The following CD99 variants were observed in gnomAD, a reference collection of about 807,000 sequenced individuals.
CD99 encodes CD99 antigen.
Under a neutral mutation model 28.4 loss-of-function variants are expected in CD99, and 19 were observed. That is an observed-to-expected ratio of 0.67 (90% confidence interval 0.47 to 0.98). CD99 has a LOEUF of 0.98. Ranked by LOEUF, CD99 falls within the 50% of genes least tolerant of loss-of-function variation. The probability of loss-of-function intolerance (pLI) is 0.00; values close to 1 mark genes in which losing one functional copy is unlikely to be tolerated. For synonymous variants in CD99, 103 were observed against 92.1 expected, an observed-to-expected ratio of 1.12 and a Z score of -0.67; for missense variants, 283 against 248.8, an observed-to-expected ratio of 1.14 and a Z score of -0.92.
intron 8 of CD99, among the ~76,000 whole-genome samples, chrX:2,729,693 A>C (rs1346457000): frequency 6.6e-6 from 1 of 152,118 alleles, no homozygotes; most frequent in Non-Finnish European, 1.5e-5. Flanking sequence ...TTGAAATAGA[A>C]TTGGGAAAAG....
In CD99 at chrX:2,691,386, T is replaced by C. The variant is rs1252163150; in HGVS notation, c.26T>C (p.Leu9Pro). 11 of 1,581,776 alleles carry C rather than the reference T, an allele frequency of 7.0e-6. No homozygotes were observed. In the South Asian group the frequency reaches 1.2e-4, roughly 18 times the overall value. Reference sequence around the variant, plus strand: ...ATGGCCCGCGGGGCTGCGCTGGCGCTGCTGCTCTTCGGCCTGCTGGGTGTT... The same window carrying C: ...ATGGCCCGCGGGGCTGCGCTGGCGCCGCTGCTCTTCGGCCTGCTGGGTGTT... Reference protein sequence around the residue: MARGAALALLLFGLLGVLV... With the variant: MARGAALAPLLFGLLGVLV... Residue 9 changes from leucine to proline, a missense_variant, in exon 1 of 10, where the codon CTG becomes CCG. Physicochemically the swap from Leu to Pro is moderately conservative, Grantham distance 98. Transcript: ENST00000381192.
intron 1 of CD99, among the ~76,000 whole-genome samples, chrX:2,708,303 A>G (rs1277292655): frequency 6.6e-6 from 1 of 152,074 alleles, no homozygotes; most frequent in African/African-American, 2.4e-5. Context: ...CCACGTCTAT[A>G]TGAAATCGAG....
At chrX:2,733,050 C>T (rs1178766013) in intron 8 of CD99, among the ~76,000 whole-genome samples, 2 of 135,520 alleles carry the variant, frequency 1.5e-5, no homozygotes, top group Non-Finnish European at 3.2e-5. Context: ...CTTCCCTCCT[C>T]GTTCCTTCCC....
chrX:2,706,308 C>G (rs1418364220), intron 1 of CD99, among the ~76,000 whole-genome samples: 2 of 151,924 alleles, frequency 1.3e-5, no homozygotes, highest in African/African-American at 4.8e-5. Context: ...TGCAGTGAGC[C>G]AAAATCGGGC....
chrX:2,716,432 G>C (rs1418942683), intron 2 of CD99, among the ~76,000 whole-genome samples: 1 of 152,092 alleles, frequency 6.6e-6, no homozygotes, highest in Non-Finnish European at 1.5e-5. Context: ...GACCGTCTGG[G>C]CTCAAGCAGT....
chrX:2,712,251 T>C (rs1460304171), intron 1 of CD99, among the ~76,000 whole-genome samples: 1 of 151,774 alleles, frequency 6.6e-6, no homozygotes, highest in Non-Finnish European at 1.5e-5. Context: ...GGGGAAATGA[T>C]GGGTAAAGGG....
At chrX:2,713,209 C>T (rs1196092415) in intron 1 of CD99, among the ~76,000 whole-genome samples, 2 of 151,888 alleles carry the variant, frequency 1.3e-5, no homozygotes, top group Admixed American at 1.3e-4. Flanking sequence ...AGAACCCACA[C>T]ATACATGCAT....
rs181483645 is a variant in CD99, at chrX:2,707,165, A to C, written c.68-7257A>C. ...GCCAACATGGCGAAACTCCATCTCT[A>C]CTAAAAACACAAGAATTAGCTGGAT... On this transcript the variant is annotated intron_variant, in intron 1 of 9. Transcript: ENST00000381192. Among the ~76,000 whole-genome samples, 74 of 152,190 alleles carry C rather than the reference A, an allele frequency of 4.9e-4. 1 individual carries two copies. Among genetic ancestry groups the C allele is most frequent in the Admixed American group, 4.6e-4 (7 of 15,288 alleles).
chrX:2,704,603 TAGC>T (rs1252469179), intron 1 of CD99, among the ~76,000 whole-genome samples: 1 of 152,004 alleles, frequency 6.6e-6, no homozygotes, highest in African/African-American at 2.4e-5. Flanking sequence ...CCAGCTAATT[TAGC>T]AGAGATGGGG....
chrX:2,707,345 AAAAG>A (rs1443540414), intron 1 of CD99, among the ~76,000 whole-genome samples: 1 of 150,940 alleles, frequency 6.6e-6, no homozygotes, highest in Non-Finnish European at 1.5e-5. Context: ...AAAAGAAAAG[AAAAG>A]AAAAAAACAG....
chrX:2,734,159 A>T (rs1376968379), intron 8 of CD99, among the ~76,000 whole-genome samples: 2 of 151,642 alleles, frequency 1.3e-5, no homozygotes, highest in South Asian at 4.2e-4. Context: ...TTGTTCTTCA[A>T]TGTAATTGAT....
At chrX:2,691,967 C>T (rs1405698353) in intron 1 of CD99, 1 of 773,022 alleles carries the variant, frequency 1.3e-6, no homozygotes. Flanking sequence ...TTCAAAAATA[C>T]TCTGTGGATG....
chrX:2,692,142 G>A, intron 1 of CD99: 2 of 561,962 alleles, frequency 3.6e-6, no homozygotes, highest in Non-Finnish European at 6.3e-6. Flanking sequence ...CCTAAACCGG[G>A]CCTATTTCTA....
At chrX:2,737,070 A>G (rs773763646) in intron 8 of CD99, among the ~76,000 whole-genome samples, 2 of 152,130 alleles carry the variant, frequency 1.3e-5, no homozygotes, top group South Asian at 2.1e-4. Flanking sequence ...AGGAGAGCCA[A>G]TTCAACCTGA....
intron 5 of CD99, among the ~76,000 whole-genome samples, chrX:2,722,240 G>C (rs1488874085): frequency 6.6e-6 from 1 of 151,900 alleles, no homozygotes; most frequent in Admixed American, 6.6e-5. Context: ...TGATTTATAA[G>C]CCTTCTTCAT....
At chrX:2,712,422 G>GA (rs34956282) in intron 1 of CD99, among the ~76,000 whole-genome samples, 14 of 151,382 alleles carry the variant, frequency 9.2e-5, no homozygotes, top group African/African-American at 3.4e-4. Context: ...TGTAAATAAA[G>GA]AAAAAAAATA....
chrX:2,728,261 A>G (rs1466513381), intron 8 of CD99, among the ~76,000 whole-genome samples: 8 of 146,698 alleles, frequency 5.5e-5, no homozygotes, highest in South Asian at 2.1e-4. Context: ...CTGGAATGCA[A>G]TGGCTCCATC....
rs751303266 is a variant in CD99 at position 2,713,190 on chromosome X, C to G, written c.68-1232C>G. Among the ~76,000 whole-genome samples, 21 of 151,958 alleles carry G rather than the reference C, an allele frequency of 1.4e-4. No individual in the cohort carries two copies. In the East Asian group the frequency reaches 4.1e-3, roughly 29 times the overall value. ...CACATGCACACATAACACCTACACA[C>G]ATGCATACAGAACCCACACATACAT... On this transcript the variant is annotated intron_variant, in intron 1 of 9. Coordinates refer to ENST00000381192, the MANE Select transcript of CD99 (RefSeq NM_002414.5).
chrX:2,725,392 C>T (rs1414217726), intron 7 of CD99, among the ~76,000 whole-genome samples: 2 of 152,038 alleles, frequency 1.3e-5, no homozygotes, highest in Non-Finnish European at 2.9e-5. Flanking sequence ...AGCAAGAACC[C>T]ATCTCAAAAT....
Sources: gnomAD v4.1 joint callset for allele counts (sites outside exome capture counted in the v4.1 genomes callset) on GRCh38, gnomAD v4.1.1 for gene constraint, MANE v1.5 for transcripts, NCBI Gene and HGNC (gene_info 2026-07-23, HGNC 2026-07-21) for gene names.